Variants in USP12 observed in about 807,000 individuals in gnomAD.
USP12 encodes ubiquitin specific peptidase 12.
In USP12, 19 loss-of-function variants were observed where a neutral mutation model predicts 45.5. The observed-to-expected ratio is 0.42, with a 90% CI of 0.29 to 0.61. USP12 has a LOEUF of 0.61. Ranked by LOEUF, USP12 falls within the 20% of genes least tolerant of loss-of-function variation. The probability of loss-of-function intolerance (pLI) is 0.22; values close to 1 mark genes in which losing one functional copy is unlikely to be tolerated. For synonymous variants in USP12, 149 were observed against 148.8 expected (o/e 1.00, Z -0.01); for missense variants, 242 against 447.7 (o/e 0.54, Z 4.15).
chr13:27,125,332 T>C (rs893496283), intron 1 of USP12, among the ~76,000 whole-genome samples: 4 of 152,136 alleles, frequency 2.6e-5, no homozygotes, highest in African/African-American at 9.7e-5. Flanking sequence ...TAAATAAAAA[T>C]CCATTTAAAA....
chr13:27,075,301 G>C lies in USP12; in HGVS notation c.822C>G (p.Leu274=), dbSNP rs757961837. Residue 274 remains leucine, a synonymous_variant, in exon 7 of 9, where the codon CTC becomes CTG. Transcript: ENST00000282344. ...CTAAAGGAAAAACTACCCGGTAAGA[G>C]AGTTTTGTATATCGATGAAGTTGAT... The part of the protein sequence containing the change: ...YMDQLHRYTK[L]SYRVVFPLEL... 6.2e-7 allele frequency: 1 copy of C among 1,614,076 alleles called. No individual in the cohort carries two copies. Among genetic ancestry groups the C allele is most frequent in the Non-Finnish European group, 8.5e-7 (1 of 1,179,970 alleles).
At chr13:27,141,140 C>A (rs771227045) in intron 1 of USP12, among the ~76,000 whole-genome samples, 5 of 151,606 alleles carry the variant, frequency 3.3e-5, no homozygotes, top group Admixed American at 2.0e-4. Context: ...CCCAGCCTCC[C>A]GAGTAGCTGG....
In USP12 at chr13:27,068,326, T is replaced by C. The variant is rs1373384557; in HGVS notation, c.*957A>G. The stretch of plus-strand genomic sequence containing the variant: ...AAAATAGTTTTTTAATTTTATGAAA[T>C]TAAAGCTGAAGAAAATAACTGATTT... On this transcript the variant is annotated 3_prime_UTR_variant, in exon 9 of 9. Transcript: ENST00000282344. 6.6e-6 allele frequency: 1 copy of C among 152,592 alleles called. No individual in the cohort carries two copies. The highest frequency in any genetic ancestry group is 1.5e-5 in the Non-Finnish European group (1 of 68,036). The allele number at this position is 152,592 out of a possible 1,614,324, so 9.5% of individuals were successfully genotyped here. A position where few individuals can be genotyped will look rare whatever the true frequency, so the allele number is the denominator to read the frequency against.
chr13:27,114,633 G>A (rs776304660), intron 2 of USP12, among the ~76,000 whole-genome samples: 3 of 152,128 alleles, frequency 2.0e-5, no homozygotes, highest in Non-Finnish European at 4.4e-5. Context: ...CATTATCTGT[G>A]ACAATATTCT....
intron 2 of USP12, among the ~76,000 whole-genome samples, chr13:27,111,564 T>C (rs1219325671): frequency 6.6e-6 from 1 of 152,238 alleles, no homozygotes; most frequent in South Asian, 2.1e-4. Flanking sequence ...TCATTCTTGC[T>C]TTCAAAGAGC....
chr13:27,164,765 A>G (rs1158460685), intron 1 of USP12, among the ~76,000 whole-genome samples: 1 of 152,188 alleles, frequency 6.6e-6, no homozygotes, highest in Non-Finnish European at 1.5e-5. Flanking sequence ...TTCACTTACT[A>G]CTTTCTCCCA....
At chr13:27,128,115 ACCTT>A (rs1478086494) in intron 1 of USP12, among the ~76,000 whole-genome samples, 1 of 152,216 alleles carries the variant, frequency 6.6e-6, no homozygotes, top group Non-Finnish European at 1.5e-5. Flanking sequence ...ATTCGGATTT[ACCTT>A]AAGTCTTTTA....
chr13:27,096,341 T>C (rs1043424970), intron 3 of USP12, among the ~76,000 whole-genome samples: 2 of 152,222 alleles, frequency 1.3e-5, no homozygotes, highest in African/African-American at 4.8e-5. Flanking sequence ...CTAACTCTGA[T>C]GTAGAGTCAG....
intron 6 of USP12, among the ~76,000 whole-genome samples, chr13:27,084,209 C>CACAT (rs1873899720): frequency 2.3e-5 from 2 of 86,822 alleles, no homozygotes; most frequent in South Asian, 7.8e-4. Flanking sequence ...CACACACACA[C>CACAT]ACACACACAA....
Position 27,083,925 on chromosome 13 carries a change from C to T in USP12, c.734+5958G>A, listed in dbSNP as rs1003429448. On this transcript the variant is annotated intron_variant, in intron 6 of 8. Coordinates refer to ENST00000282344, the MANE Select transcript of USP12 (RefSeq NM_182488.4). ...TGTCACCCAGGCTGGAGTGCAATGG[C>T]GCAATCTCGGCTCACTGCAACCTCT... Among the ~76,000 whole-genome samples, 9 of 150,990 alleles carry T rather than the reference C, an allele frequency of 6.0e-5. 1 individual carries two copies. Among genetic ancestry groups the T allele is most frequent in the South Asian group, 2.1e-4 (1 of 4,758 alleles).
chr13:27,099,689 T>C (rs79119259), intron 3 of USP12, among the ~76,000 whole-genome samples: 13 of 194 alleles, frequency 0.067, no homozygotes, highest in African/African-American at 0.071. Context: ...TTCACAATAA[T>C]TTTTTTTCAC....
intron 1 of USP12, among the ~76,000 whole-genome samples, chr13:27,168,471 T>C (rs74042504): frequency 0.074 from 11,256 of 152,260 alleles, 483 homozygotes; most frequent in African/African-American, 0.11. Context: ...ACACAGCCTC[T>C]CTACATGTAT....
chr13:27,101,200 G>T (rs897260387), intron 3 of USP12, among the ~76,000 whole-genome samples: 3 of 152,120 alleles, frequency 2.0e-5, no homozygotes, highest in African/African-American at 7.2e-5. Context: ...ATTTTCCTTA[G>T]AGTATACTGA....
intron 6 of USP12, chr13:27,077,467 G>A (rs895213910): frequency 6.6e-6 from 1 of 152,088 alleles, no homozygotes; most frequent in Non-Finnish European, 1.5e-5. Context: ...TCCAAATGCA[G>A]AAAAGAGAAA....
chr13:27,167,150 T>C (rs1878382169), intron 1 of USP12, among the ~76,000 whole-genome samples: 1 of 152,230 alleles, frequency 6.6e-6, no homozygotes, highest in Admixed American at 6.5e-5. Flanking sequence ...TAATCCCAGC[T>C]ACTCGGGAGG....
intron 1 of USP12, among the ~76,000 whole-genome samples, chr13:27,155,214 T>C (rs1877773168): frequency 6.6e-6 from 1 of 151,576 alleles, no homozygotes; most frequent in Non-Finnish European, 1.5e-5. Flanking sequence ...CCCAAGTAGC[T>C]GGGACTACAG....
At chr13:27,081,116 T>C (rs1314560567) in intron 6 of USP12, among the ~76,000 whole-genome samples, 2 of 151,518 alleles carry the variant, frequency 1.3e-5, no homozygotes, top group African/African-American at 4.9e-5. Context: ...AGGCAATTTC[T>C]CAAAATAAGA....
intron 1 of USP12, among the ~76,000 whole-genome samples, chr13:27,127,359 A>T (rs1245301014): frequency 6.6e-6 from 1 of 152,216 alleles, no homozygotes; most frequent in Admixed American, 6.5e-5. Flanking sequence ...CAATGACATA[A>T]AAGGGAACAG....
intron 2 of USP12, among the ~76,000 whole-genome samples, chr13:27,107,250 G>A (rs914111652): frequency 6.6e-6 from 1 of 152,156 alleles, no homozygotes; most frequent in African/African-American, 2.4e-5. Flanking sequence ...GCTTGAACCT[G>A]GGAGGCGGAG....
Sources: gnomAD v4.1 joint callset for allele counts (sites outside exome capture counted in the v4.1 genomes callset) on GRCh38, gnomAD v4.1.1 for gene constraint, MANE v1.5 for transcripts, NCBI Gene and HGNC (gene_info 2026-07-23, HGNC 2026-07-21) for gene names.